MTMR7: variants seen among roughly 807,000 people sequenced by gnomAD.
MTMR7 encodes the protein myotubularin related protein 7.
In MTMR7, 76 loss-of-function variants were observed where a neutral mutation model predicts 81.2. The observed-to-expected ratio is 0.94, with a 90% confidence interval of 0.78 to 1.13. The LOEUF (loss-of-function observed/expected upper bound fraction) is 1.13, where lower values mean the gene tolerates loss of function less well. Among genes scored for constraint, MTMR7 ranks in the 50% most tolerant of loss-of-function variants. The pLI is 0.00. For synonymous variants in MTMR7, 372 were observed against 289.8 expected (o/e 1.28, Z -2.88); for missense variants, 1,044 against 820.0 (o/e 1.27, Z -3.34).
rs540075664 is a variant in MTMR7, at chr8:17,347,537, A to G, written c.597+1416T>C. 2.6e-5 allele frequency among the ~76,000 whole-genome samples: 4 copies of G among 152,272 alleles called. No individual in the cohort carries two copies. The South Asian group carries it at 8.3e-4, about 32-fold the overall frequency. ...AGGCATGTGGATACACACTCACACA[A>G]TCTCCTGTGTTTATAGCCTCACTCG... On this transcript the variant is annotated intron_variant, in intron 5 of 13. Transcript: ENST00000180173.
In MTMR7 at chr8:17,305,801, A is replaced by G. The variant is rs1158631911; in HGVS notation, c.1308T>C (p.Phe436=). The G allele has an allele frequency of 6.2e-7, 1 of 1,613,632 alleles. No homozygotes were observed. Among genetic ancestry groups the G allele is most frequent in the Non-Finnish European group, 8.5e-7 (1 of 1,179,668 alleles). Residue 436 remains phenylalanine (F), a synonymous_variant, in exon 11 of 14, where the codon TTT becomes TTC. Coordinates refer to ENST00000180173, the MANE Select transcript of MTMR7 (RefSeq NM_004686.5). ...TTTGGCTGTTACATAGGAAGTTTCC[A>G]AACTGGCAGGAATAAATGTGATGTT... ...HIQHHIYSCQ[F]GNFLCNSQKE...
At chr8:17,349,908 A>G (rs901617720) in intron 4 of MTMR7, among the ~76,000 whole-genome samples, 2 of 152,140 alleles carry the variant, frequency 1.3e-5, no homozygotes, top group East Asian at 1.9e-4. Flanking sequence ...GGGGAAGCCA[A>G]ACTACACGGT....
chr8:17,313,515 G>A, intron 7 of MTMR7, 114 bp from the exon 8 acceptor site: 1 of 625,430 alleles, frequency 1.6e-6, no homozygotes, highest in Non-Finnish European at 2.7e-6. Context: ...GGTATTTTCT[G>A]GAAGCAAGCC....
At chr8:17,390,338 G>C (rs1480316653) in intron 1 of MTMR7, among the ~76,000 whole-genome samples, 1 of 151,938 alleles carries the variant, frequency 6.6e-6, no homozygotes, top group African/African-American at 2.4e-5. Flanking sequence ...CACTCTTTTA[G>C]ACAACCAGAT....
intron 4 of MTMR7, among the ~76,000 whole-genome samples, chr8:17,359,807 A>G (rs1820006599): frequency 6.6e-6 from 1 of 152,072 alleles, no homozygotes. Context: ...TTAAAAACTA[A>G]CTCTTTACTG....
At chr8:17,396,126 T>TA (rs11344506) in intron 1 of MTMR7, among the ~76,000 whole-genome samples, 27 of 148,096 alleles carry the variant, frequency 1.8e-4, no homozygotes, top group Admixed American at 9.4e-4. Flanking sequence ...ATACGGTTTA[T>TA]AAAAAAAAAA....
intron 1 of MTMR7, among the ~76,000 whole-genome samples, chr8:17,393,603 A>G (rs935367806): frequency 6.6e-6 from 1 of 152,224 alleles, no homozygotes; most frequent in African/African-American, 2.4e-5. Context: ...CAGGAACAGA[A>G]AACCAAACAT....
intron 1 of MTMR7, 40 bp downstream of exon 1, chr8:17,413,229 C>G: frequency 6.5e-7 from 1 of 1,545,288 alleles, no homozygotes; most frequent in Non-Finnish European, 8.8e-7. Context: ...CCTCCCCCAT[C>G]TCCTCCCGTC....
chr8:17,384,294 C>A (rs933567651), intron 1 of MTMR7, among the ~76,000 whole-genome samples: 3 of 152,014 alleles, frequency 2.0e-5, no homozygotes, highest in Admixed American at 1.3e-4. Context: ...ACCTGTAGGC[C>A]CAGCTACTTA....
chr8:17,346,421 T>C (rs958443933), intron 5 of MTMR7, among the ~76,000 whole-genome samples: 8 of 152,068 alleles, frequency 5.3e-5, no homozygotes, highest in African/African-American at 1.9e-4. Flanking sequence ...ATCTTAAATA[T>C]GGGCAATGAA....
intron 1 of MTMR7, among the ~76,000 whole-genome samples, chr8:17,400,495 A>G (rs139894191): frequency 2.3e-4 from 35 of 152,312 alleles, no homozygotes; most frequent in African/African-American, 8.4e-4. Flanking sequence ...CGGCCTTACA[A>G]TGCTATCTCC....
intron 6 of MTMR7, chr8:17,338,591 A>C (rs1285785680): frequency 6.6e-6 from 1 of 152,194 alleles, no homozygotes; most frequent in Non-Finnish European, 1.5e-5. Context: ...GGGTACGAAG[A>C]AGAGGTGGGA....
intron 7 of MTMR7, among the ~76,000 whole-genome samples, chr8:17,314,949 G>A (rs1227634525): frequency 2.0e-5 from 3 of 152,128 alleles, no homozygotes; most frequent in Non-Finnish European, 2.9e-5. Flanking sequence ...CATGCAGAAC[G>A]GTAAATGAGA....
Position 17,305,888 on chromosome 8 carries a change from C to T in MTMR7, c.1221G>A (p.Trp407Ter). Reference protein sequence around the residue: ...PVIDQFIECVWQLMEQFPCAF... With the variant: ...PVIDQFIECV ...CACAGGGAAATTGTTCCATTAACTG[C>T]CAAACACACTCAATGAACTGGTCAA... Residue 407 changes from tryptophan to a stop codon, truncating the protein, a stop_gained, in exon 11 of 14, where the codon TGG (tryptophan) becomes TGA (stop). Coordinates refer to ENST00000180173, the MANE Select transcript of MTMR7 (RefSeq NM_004686.5). LOFTEE classifies it high-confidence loss of function. 1 of 1,613,674 alleles carries T rather than the reference C, an allele frequency of 6.2e-7. No homozygotes were observed. Among genetic ancestry groups the T allele is most frequent in the Non-Finnish European group, 8.5e-7 (1 of 1,179,700 alleles).
At chr8:17,395,537 C>A (rs1473310154) in intron 1 of MTMR7, among the ~76,000 whole-genome samples, 2 of 152,200 alleles carry the variant, frequency 1.3e-5, no homozygotes, top group Non-Finnish European at 2.9e-5. Context: ...TTATCACCAA[C>A]AATGCACAAG....
chr8:17,304,440 C>A lies in MTMR7; in HGVS notation c.1432G>T (p.Asp478Tyr), dbSNP rs752641394. 1 of 1,613,978 alleles carries A rather than the reference C, an allele frequency of 6.2e-7. No individual in the cohort carries two copies. The highest frequency in any genetic ancestry group is 1.1e-5 in the South Asian group (1 of 91,054). ...AGGGTTCCCTGAGTCTGGCTGTGAT[C>A]AGCTCTAAACAGAGGATTCAGGTAG... ...ADYLNPLFRA[D>Y]HSQTQGTLHL... Residue 478 changes from aspartate to tyrosine, a missense_variant, in exon 12 of 14, where the codon GAT (aspartate) becomes TAT (tyrosine). Physicochemically the swap from Asp to Tyr is radical, Grantham distance 160. Coordinates refer to ENST00000180173, the MANE Select transcript of MTMR7 (RefSeq NM_004686.5).
At chr8:17,343,755 A>G (rs1046067869) in intron 5 of MTMR7, among the ~76,000 whole-genome samples, 1 of 152,260 alleles carries the variant, frequency 6.6e-6, no homozygotes, top group Non-Finnish European at 1.5e-5. Flanking sequence ...GATTTTCTTA[A>G]TAAACTAAAG....
chr8:17,328,869 C>T (rs968772806), intron 7 of MTMR7, among the ~76,000 whole-genome samples: 4 of 152,122 alleles, frequency 2.6e-5, no homozygotes, highest in African/African-American at 9.7e-5. Context: ...TCTCTCCTTA[C>T]GAAATACAGA....
At chr8:17,369,633 CTTTTTTTCTTT>C (rs1820345571) in intron 3 of MTMR7, among the ~76,000 whole-genome samples, 2 of 129,952 alleles carry the variant, frequency 1.5e-5, no homozygotes, top group Non-Finnish European at 3.4e-5. Flanking sequence ...GAGTATATTT[CTTTTTTTCTTT>C]TTTTTTTTTT....
Sources: allele counts gnomAD v4.1 joint callset (sites outside exome capture counted in the v4.1 genomes callset), GRCh38; gene constraint gnomAD v4.1.1; transcripts MANE v1.5; gene names NCBI Gene and HGNC (gene_info 2026-07-23, HGNC 2026-07-21).